The following CPNE5 variants were observed in gnomAD, a reference collection of about 807,000 sequenced individuals.
CPNE5 encodes the protein copine-5.
CPNE5 carries 42 observed loss-of-function variants against 81.1 expected under a neutral mutation model. The observed-to-expected ratio is 0.52, with a 90% CI of 0.40 to 0.67. CPNE5 has a LOEUF of 0.67. CPNE5 is among the 30% of genes least tolerant of loss of function. The pLI is 0.00. For missense variants in CPNE5, 612 were observed against 815.5 expected (o/e 0.75, Z 3.04); for synonymous variants, 313 against 321.5 (o/e 0.97, Z 0.28).
At chr6:36,824,941 G>GCAA in intron 1 of CPNE5, among the ~76,000 whole-genome samples, 1 of 152,290 alleles carries the variant, frequency 6.6e-6, no homozygotes, top group South Asian at 2.1e-4. Context: ...AACAGCAGCA[G>GCAA]CAACAACAAC....
chr6:36,779,828 C>G (rs983557105), intron 8 of CPNE5, among the ~76,000 whole-genome samples: 2 of 152,216 alleles, frequency 1.3e-5, no homozygotes, highest in Admixed American at 1.3e-4. Flanking sequence ...TCACCCCTCC[C>G]GTGTGGCCTC....
chr6:36,822,070 AG>A, intron 3 of CPNE5, 43 bp downstream of exon 3: 1 of 1,492,134 alleles, frequency 6.7e-7, no homozygotes, highest in Non-Finnish European at 9.0e-7. Context: ...ACAGGCAGAC[AG>A]GAACAGGCTG....
At chr6:36,800,119 G>A (rs749110983) in intron 3 of CPNE5, 49 bp from the exon 4 acceptor site, 15 of 1,378,860 alleles carry the variant, frequency 1.1e-5, no homozygotes, top group South Asian at 3.7e-5. Flanking sequence ...TGGTGGGGCC[G>A]GCTGGTGGGG....
intron 8 of CPNE5, among the ~76,000 whole-genome samples, chr6:36,791,379 T>C (rs1011349361): frequency 3.9e-5 from 6 of 152,224 alleles, no homozygotes; most frequent in African/African-American, 1.4e-4. Context: ...CGATAACTTA[T>C]GTAAAGTGCC....
intron 6 of CPNE5, among the ~76,000 whole-genome samples, chr6:36,797,255 T>C (rs980287732): frequency 3.3e-5 from 5 of 152,370 alleles, no homozygotes; most frequent in African/African-American, 4.8e-5. Context: ...AGTGGGAACT[T>C]GGCAGAAGAT....
At position 36,839,299 on chromosome 6, in the gene CPNE5, T is replaced by C; in HGVS notation, c.79A>G (p.Ile27Val). 1 of 1,546,484 alleles carries C rather than the reference T, an allele frequency of 6.5e-7. No individual in the cohort carries two copies. The highest frequency in any genetic ancestry group is 8.7e-7 in the Non-Finnish European group (1 of 1,144,554). The part of the protein sequence containing the change: ...AGSIPATKVE[I>V]TVSCRNLLDK... ...GAGGCTCACCTGCAGGACACGGTGA[T>C]CTCCACCTTGGTGGCCGGGATGCTG... The change falls in exon 1 of 21, where the codon ATC (isoleucine) becomes GTC (valine). Residue 27 changes from isoleucine (I) to valine (V), a missense_variant. Ile to Val is a conservative substitution (Grantham distance 29, BLOSUM62 3). Coordinates refer to ENST00000244751, the MANE Select transcript of CPNE5 (RefSeq NM_020939.2). This position sits in a 1 kb window ranked among gnomAD's most constrained non-coding sequence, Gnocchi z 7.3.
chr6:36,777,205 G>A (rs1400136063), intron 9 of CPNE5, among the ~76,000 whole-genome samples: 1 of 152,222 alleles, frequency 6.6e-6, no homozygotes, highest in Non-Finnish European at 1.5e-5. Flanking sequence ...ATCCAAGTCC[G>A]GCCGAGTGAG....
intron 20 of CPNE5, chr6:36,743,187 G>A: frequency 1.0e-6 from 1 of 985,462 alleles, no homozygotes; most frequent in Non-Finnish European, 1.2e-6. Context: ...ATGAGTGGGG[G>A]AAGTGCTTGC....
upstream of CPNE5, chr6:36,839,677 G>A: frequency 4.0e-6 from 1 of 251,922 alleles, no homozygotes; most frequent in South Asian, 6.4e-5. The surrounding 1 kb of genome is among the most constrained non-coding windows in gnomAD (Gnocchi z 7.3). Flanking sequence ...GGGGCGCGGG[G>A]AGAGGGGCTC....
chr6:36,797,603 G>A (rs182249754), intron 6 of CPNE5, among the ~76,000 whole-genome samples: 343 of 152,300 alleles, frequency 2.3e-3, no homozygotes, highest in Admixed American at 4.2e-3. Context: ...GACATCATCA[G>A]GCTCCACTGT....
intron 3 of CPNE5, among the ~76,000 whole-genome samples, chr6:36,811,811 A>G (rs1230575023): frequency 6.6e-6 from 1 of 152,134 alleles, no homozygotes; most frequent in Non-Finnish European, 1.5e-5. Context: ...GGGATAGAAA[A>G]GCACACTTTG....
intron 14 of CPNE5, among the ~76,000 whole-genome samples, chr6:36,751,886 G>A (rs906609876): frequency 2.0e-5 from 3 of 152,178 alleles, no homozygotes; most frequent in African/African-American, 7.2e-5. Flanking sequence ...GCTATGGACT[G>A]TAAGGGGTGG....
chr6:36,767,559 G>A (rs567179567), intron 10 of CPNE5, among the ~76,000 whole-genome samples: 20 of 152,274 alleles, frequency 1.3e-4, no homozygotes, highest in African/African-American at 4.1e-4. Context: ...TCCCCAGACC[G>A]CTAAGCTCTG....
Position 36,798,056 on chromosome 6 carries a change from G to A in CPNE5, c.404+109C>T. ...GGGTCTCTTTATTCCTAATAACCCT[G>A]CAGATGCCAGTCATAGCCAGCTGAC... is the stretch of plus-strand genomic sequence containing the variant. On this transcript the variant is annotated intron_variant, in intron 6 of 20. Coordinates refer to ENST00000244751, the MANE Select transcript of CPNE5 (RefSeq NM_020939.2). The A allele has an allele frequency of 5.2e-6, 4 of 776,002 alleles. No homozygotes were observed. The South Asian group carries it at 6.3e-5, about 12-fold the overall frequency. The allele number at this position is 776,002 out of a possible 1,614,324, so 48.1% of individuals were successfully genotyped here.
chr6:36,798,174 T>C lies in CPNE5; in HGVS notation c.395A>G (p.Lys132Arg). The C allele has an allele frequency of 6.2e-7, 1 of 1,613,482 alleles. No individual in the cohort carries two copies. Among genetic ancestry groups the C allele is most frequent in the Admixed American group, 1.7e-5 (1 of 59,970 alleles). Residue 132 changes from lysine (K) to arginine (R), a missense_variant, in exon 6 of 21, where the codon AAG becomes AGG. Physicochemically the swap from Lys to Arg is conservative, Grantham distance 26. Transcript: ENST00000244751. Reference protein sequence around the residue: ...IVGSPGSRLEKPLTIGAFSLN... With the variant: ...IVGSPGSRLERPLTIGAFSLN... ...CAACCCAGACACTCACGTGAGGGGCTTTTCCAGGCGGCTCCCAGGGGACCC... is the reference window on the plus strand; with the variant it reads ...CAACCCAGACACTCACGTGAGGGGCCTTTCCAGGCGGCTCCCAGGGGACCC...
intron 1 of CPNE5, among the ~76,000 whole-genome samples, chr6:36,837,751 A>C (rs1423571085): frequency 6.6e-6 from 1 of 152,004 alleles, no homozygotes; most frequent in Admixed American, 6.6e-5. Context: ...TGGATGGGGA[A>C]TGGGCTGTTC....
chr6:36,756,195 G>A (rs776156975), intron 13 of CPNE5, 50 bp downstream of exon 13: 1 of 1,540,234 alleles, frequency 6.5e-7, no homozygotes, highest in Non-Finnish European at 8.9e-7. Context: ...GACCTAGCTT[G>A]GGGCTCAGAA....
rs1396174094 is a variant in CPNE5 at position 36,762,952 on chromosome 6, G to A, written c.820C>T (p.Leu274=). 6.2e-7 allele frequency: 1 copy of A among 1,614,196 alleles called. No homozygotes were observed. The highest frequency in any genetic ancestry group is 8.5e-7 in the Non-Finnish European group (1 of 1,180,024). ...TTGAATTGGCTCTGCCCACGGGCCA[G>A]CTCCCGGTAACTGGTGGTGAACTCC... ...IGEFTTSYRE[L]ARGQSQFNIY... is the part of the protein sequence containing the mutation. The change falls in exon 12 of 21, where the codon CTG becomes TTG. Residue 274 remains leucine (L), a synonymous_variant. Transcript: ENST00000244751.
chr6:36,811,930 C>T (rs913045623), intron 3 of CPNE5, among the ~76,000 whole-genome samples: 2 of 152,048 alleles, frequency 1.3e-5, no homozygotes, highest in African/African-American at 4.8e-5. Flanking sequence ...ATGGTGAAAC[C>T]CCATCTCTAC....
Sources: gnomAD v4.1 joint callset for allele counts (sites outside exome capture counted in the v4.1 genomes callset) on GRCh38, gnomAD v4.1.1 for gene constraint, Gnocchi (gnomAD v3.1) non-coding constraint, MANE v1.5 for transcripts, NCBI Gene and HGNC (gene_info 2026-07-23, HGNC 2026-07-21) for gene names.